The following PTPRD variants were observed in gnomAD, a reference collection of about 807,000 sequenced individuals.
PTPRD encodes receptor-type tyrosine-protein phosphatase delta.
PTPRD carries 34 observed loss-of-function variants against 214.5 expected under a neutral mutation model. The observed-to-expected ratio is 0.16, with a 90% CI of 0.12 to 0.21. The LOEUF (loss-of-function observed/expected upper bound fraction) is 0.21. PTPRD is among the 10% of genes least tolerant of loss of function. PTPRD has a pLI of 1.00. For synonymous variants in PTPRD, 1,128 were observed against 845.7 expected, an observed-to-expected ratio of 1.33 and a Z score of -5.79; for missense variants, 2,545 against 2,398.7, an observed-to-expected ratio of 1.06 and a Z score of -1.27.
chr9:9,506,413 AGATTAGT>A (rs2096572192), intron 8 of PTPRD, among the ~76,000 whole-genome samples: 1 of 151,446 alleles, frequency 6.6e-6, no homozygotes, highest in Non-Finnish European at 1.5e-5. Flanking sequence ...TACTTCTTGG[AGATTAGT>A]TCCAGTGAGA....
chr9:10,557,974 T>C (rs2063001988), intron 2 of PTPRD, among the ~76,000 whole-genome samples: 1 of 152,158 alleles, frequency 6.6e-6, no homozygotes, highest in Admixed American at 6.6e-5. Flanking sequence ...ACACATGTGC[T>C]CTGTTGGAAT....
chr9:10,286,140 T>C (rs1351613028), intron 3 of PTPRD, among the ~76,000 whole-genome samples: 1 of 152,220 alleles, frequency 6.6e-6, no homozygotes, highest in African/African-American at 2.4e-5. Context: ...AATTCTAGAC[T>C]TGTCCTTTTG....
intron 12 of PTPRD, among the ~76,000 whole-genome samples, chr9:8,700,222 CTTTCA>C (rs1446107591): frequency 3.5e-4 from 54 of 152,310 alleles, no homozygotes; most frequent in African/African-American, 1.2e-3. Flanking sequence ...TACAAAATTA[CTTTCA>C]TTTAAGAAAC....
At chr9:8,706,324 C>G (rs2098207745) in intron 12 of PTPRD, among the ~76,000 whole-genome samples, 1 of 152,116 alleles carries the variant, frequency 6.6e-6, no homozygotes, top group South Asian at 2.1e-4. Context: ...CTTTACCTTT[C>G]CTTTATTTAG....
intron 14 of PTPRD, among the ~76,000 whole-genome samples, chr9:8,625,264 T>A (rs540584860): frequency 1.3e-5 from 2 of 152,002 alleles, no homozygotes; most frequent in East Asian, 1.9e-4. Context: ...AGTTTTTGTA[T>A]AAATATTGAT....
At chr9:10,416,465 G>A (rs969538395) in intron 2 of PTPRD, among the ~76,000 whole-genome samples, 1 of 151,774 alleles carries the variant, frequency 6.6e-6, no homozygotes, top group African/African-American at 2.4e-5. Context: ...GAAAGAAGTT[G>A]AAGAAGAGAA....
At chr9:8,752,440 G>T (rs2093624882) in intron 11 of PTPRD, among the ~76,000 whole-genome samples, 1 of 152,166 alleles carries the variant, frequency 6.6e-6, no homozygotes, top group Non-Finnish European at 1.5e-5. Context: ...ATATCATCAA[G>T]AAATAACCAT....
At chr9:10,443,997 T>G (rs1254287298) in intron 2 of PTPRD, among the ~76,000 whole-genome samples, 1 of 151,718 alleles carries the variant, frequency 6.6e-6, no homozygotes, top group Non-Finnish European at 1.5e-5. Flanking sequence ...GTGGCTTTCT[T>G]TAAACCAGTT....
chr9:8,900,990 G>A (rs2098664160), intron 11 of PTPRD, among the ~76,000 whole-genome samples: 1 of 152,204 alleles, frequency 6.6e-6, no homozygotes, highest in South Asian at 2.1e-4. Context: ...CATGATGATA[G>A]CATTGATATC....
chr9:9,559,042 T>C (rs934744917), intron 8 of PTPRD, among the ~76,000 whole-genome samples: 1 of 151,904 alleles, frequency 6.6e-6, no homozygotes, highest in Non-Finnish European at 1.5e-5. Flanking sequence ...TCCGGGGGGG[T>C]AGCTATCCAT....
At chr9:9,606,080 A>C (rs983952847) in intron 7 of PTPRD, among the ~76,000 whole-genome samples, 1 of 152,036 alleles carries the variant, frequency 6.6e-6, no homozygotes, top group Non-Finnish European at 1.5e-5. Flanking sequence ...GACTAGAATG[A>C]ATTTTCCTAG....
chr9:8,728,098 A>C (rs4740959), intron 12 of PTPRD, among the ~76,000 whole-genome samples: 81,066 of 151,798 alleles, frequency 0.53, 21,788 homozygotes, highest in Non-Finnish European at 0.55. Context: ...AAACACAAAA[A>C]AATTAGCCAG....
At chr9:9,235,235 G>C (rs1014274400) in intron 9 of PTPRD, among the ~76,000 whole-genome samples, 3 of 152,008 alleles carry the variant, frequency 2.0e-5, no homozygotes, top group African/African-American at 7.2e-5. Context: ...AGAACAACAT[G>C]GGGGTAATCA....
intron 3 of PTPRD, among the ~76,000 whole-genome samples, chr9:10,155,809 G>A (rs565866269): frequency 6.6e-6 from 1 of 152,090 alleles, no homozygotes; most frequent in Non-Finnish European, 1.5e-5. Context: ...TGGTTGTGGT[G>A]GATAAGCTTT....
At chr9:9,665,589 A>G (rs2096706482) in intron 7 of PTPRD, among the ~76,000 whole-genome samples, 1 of 151,780 alleles carries the variant, frequency 6.6e-6, no homozygotes, top group Admixed American at 6.6e-5. Context: ...CAGTTACAGA[A>G]TGGGACGAGG....
rs574456085 is a variant in PTPRD, at chr9:8,326,458, T to G, written c.5534+5124A>C. On this transcript the variant is annotated intron_variant, in intron 44 of 45. Transcript: ENST00000381196. ...GTGGATAAGCTTTTTGATGTGCTGC[T>G]GGATTCGGTTTGCCAGTATTTTATT... Among the ~76,000 whole-genome samples the G allele has an allele frequency of 4.6e-4, 70 of 151,694 alleles. 1 individual carries two copies. The highest frequency in any genetic ancestry group is 1.6e-3 in the African/African-American group (67 of 41,466).
intron 11 of PTPRD, among the ~76,000 whole-genome samples, chr9:8,769,821 A>T (rs1253340560): frequency 2.6e-5 from 4 of 151,836 alleles, no homozygotes; most frequent in African/African-American, 9.7e-5. Context: ...AAAAAAAAAT[A>T]CATAGAAATC....
intron 10 of PTPRD, among the ~76,000 whole-genome samples, chr9:9,062,495 C>T (rs1345564708): frequency 6.6e-6 from 1 of 152,128 alleles, no homozygotes; most frequent in Non-Finnish European, 1.5e-5. Context: ...CTCACCCACA[C>T]AGAAAAACAG....
chr9:8,725,008 G>C (rs895200107), intron 12 of PTPRD, among the ~76,000 whole-genome samples: 2 of 152,096 alleles, frequency 1.3e-5, no homozygotes, highest in African/African-American at 4.8e-5. Flanking sequence ...AACACATGTA[G>C]TTTAGTTAAC....
Sources: gnomAD v4.1 joint callset for allele counts (sites outside exome capture counted in the v4.1 genomes callset) on GRCh38, gnomAD v4.1.1 for gene constraint, MANE v1.5 for transcripts, NCBI Gene and HGNC (gene_info 2026-07-23, HGNC 2026-07-21) for gene names.